The following NEK9 variants were observed in gnomAD, a reference collection of about 807,000 sequenced individuals.
NEK9 encodes the protein serine/threonine-protein kinase Nek9.
Under a neutral mutation model 123.4 loss-of-function variants are expected in NEK9, and 75 were observed. The ratio of observed to expected loss-of-function variants is 0.61; its 90% CI spans 0.50 to 0.74. NEK9 has a LOEUF of 0.74. Among genes scored for constraint, NEK9 ranks in the 30% least tolerant of loss-of-function variants. The probability of loss-of-function intolerance (pLI) is 0.00; values close to 1 mark genes in which losing one functional copy is unlikely to be tolerated. For missense variants in NEK9, 952 were observed against 1,214.4 expected (o/e 0.78, Z 3.21); for synonymous variants, 438 against 458.7 (o/e 0.95, Z 0.58).
In NEK9 at chr14:75,124,194, G is replaced by A. The variant is rs202104989; in HGVS notation, c.249C>T (p.Val83=). 2.7e-5 allele frequency: 44 copies of A among 1,613,922 alleles called. No homozygotes were observed. The Admixed American group carries it at 5.0e-4, about 18-fold the overall frequency. The change falls in exon 2 of 22, where the codon GTC becomes GTT. Residue 83 remains valine (V), a synonymous_variant. Transcript: ENST00000238616. The stretch of plus-strand genomic sequence containing the variant: ...CCTTCTCAGACAGCCGGGTCAAATC[G>A]ACTTCCTTCCACACAACCAGTGAGT... ...EDDSLVVWKE[V]DLTRLSEKER...
Position 75,103,832 on chromosome 14 carries a change from G to A in NEK9, c.1731+10C>T, listed in dbSNP as rs751994534. 2.5e-6 allele frequency: 4 copies of A among 1,604,198 alleles called. No homozygotes were observed. The South Asian group carries it at 4.5e-5, about 18-fold the overall frequency. ...GATGATGTGGTTAGAACACCAATCAGGACACTCACTTCATGGTTGATAATT... is the reference window on the plus strand; with the variant it reads ...GATGATGTGGTTAGAACACCAATCAAGACACTCACTTCATGGTTGATAATT... On this transcript the variant is annotated intron_variant, in intron 14 of 21. Coordinates refer to ENST00000238616, the MANE Select transcript of NEK9 (RefSeq NM_033116.6).
chr14:75,087,312 G>A (rs775090220), intron 20 of NEK9, 82 bp from the exon 21 acceptor site: 8 of 970,992 alleles, frequency 8.2e-6, no homozygotes, highest in Middle Eastern at 3.2e-4. Context: ...AAGTGCAATC[G>A]GATTTTACTT....
rs1413917926 is a variant in NEK9 at position 75,118,939 on chromosome 14, A to G, written c.525-4T>C. On this transcript the variant is annotated splice_region_variant and splice_polypyrimidine_tract_variant and intron_variant, in intron 4 of 21. Transcript: ENST00000238616. ...AATATTTAATGTCTTTATATCTCTG[A>G]AAAAAAAAGATGCTGCAAATTAAGT... 14 of 1,338,348 alleles carry G rather than the reference A, an allele frequency of 1.0e-5. No homozygotes were observed. The highest frequency in any genetic ancestry group is 2.9e-5 in the African/African-American group (2 of 68,956). The allele number at this position is 1,338,348 out of a possible 1,614,324, so 82.9% of individuals were successfully genotyped here. A position where few individuals can be genotyped will look rare whatever the true frequency, so the allele number is the denominator to read the frequency against.
chr14:75,120,018 A>C (rs904270562), intron 4 of NEK9, among the ~76,000 whole-genome samples: 2 of 152,246 alleles, frequency 1.3e-5, no homozygotes, highest in Non-Finnish European at 2.9e-5. Flanking sequence ...GGGCATAATG[A>C]TGTGAAAATG....
chr14:75,109,608 T>A, intron 10 of NEK9, 77 bp downstream of exon 10: 7 of 1,348,620 alleles, frequency 5.2e-6, no homozygotes, highest in Non-Finnish European at 7.3e-6. Flanking sequence ...GTTCAACTAA[T>A]AAAATGCTTA....
In NEK9 at chr14:75,103,976, T is replaced by A; in HGVS notation, c.1597A>T (p.Ile533Phe). ...PQKVDVPKAL[I>F]IVAVQCGCDG... ...CAGCCACATTGAACTGCAACAATAATCAAGGCCTTGGGAACATCCACCTGC... is the reference window on the plus strand; with the variant it reads ...CAGCCACATTGAACTGCAACAATAAACAAGGCCTTGGGAACATCCACCTGC... Residue 533 changes from isoleucine to phenylalanine, a missense_variant, in exon 14 of 22, where the codon ATT becomes TTT. Coordinates refer to ENST00000238616, the MANE Select transcript of NEK9 (RefSeq NM_033116.6). 6.2e-7 allele frequency: 1 copy of A among 1,613,416 alleles called. No individual in the cohort carries two copies. Among genetic ancestry groups the A allele is most frequent in the Non-Finnish European group, 8.5e-7 (1 of 1,179,824 alleles).
intron 4 of NEK9, 43 bp from the exon 5 acceptor site, chr14:75,118,978 T>A: frequency 9.1e-7 from 1 of 1,098,484 alleles, no homozygotes; most frequent in Non-Finnish European, 1.4e-6. Flanking sequence ...CACAGATAAT[T>A]GTTTTATTTC....
chr14:75,114,252 C>T lies in NEK9; in HGVS notation c.824G>A (p.Ser275Asn). The T allele has an allele frequency of 6.2e-7, 1 of 1,614,096 alleles. No individual in the cohort carries two copies. The highest frequency in any genetic ancestry group is 1.1e-5 in the South Asian group (1 of 91,076). Residue 275 changes from serine (S) to asparagine (N), a missense_variant, in exon 7 of 22, where the codon AGC becomes AAC. By Grantham distance (46) the Ser-to-Asn change is conservative. Around this residue, in one of 4 missense-constraint regions of NEK9, gnomAD observed 698 missense variants for 875.6 expected, o/e 0.80. Coordinates refer to ENST00000238616, the MANE Select transcript of NEK9 (RefSeq NM_033116.6). ...TTGGATCAATTCCAAAGAGTACTGG[C>T]TAGAGTCAACTTCCATGGCCCGAAT... is the stretch of plus-strand genomic sequence containing the variant. ...QGIRAMEVDSSQYSLELIQMV... is the reference protein window; with the variant it reads ...QGIRAMEVDSNQYSLELIQMV...
At position 75,090,178 on chromosome 14, in the gene NEK9, A is replaced by G. The variant is rs1488285347; in HGVS notation, c.2442+1092T>C. 4.1e-5 allele frequency among the ~76,000 whole-genome samples: 6 copies of G among 145,760 alleles called. No individual in the cohort carries two copies. In the East Asian group the frequency reaches 6.1e-4, roughly 15 times the overall value. ...ATTTTTATAGAGATGGGGTCTCCCT[A>G]TGTTGTCTAGGCTGGTCTCAAACTC... On this transcript the variant is annotated intron_variant, in intron 19 of 21. Transcript: ENST00000238616.
At chr14:75,115,687 T>C (rs1895118945) in intron 6 of NEK9, among the ~76,000 whole-genome samples, 1 of 152,190 alleles carries the variant, frequency 6.6e-6, no homozygotes, top group African/African-American at 2.4e-5. Context: ...GGCAACTGGA[T>C]ATGAATCCAC....
intron 19 of NEK9, 120 bp downstream of exon 19, chr14:75,091,150 G>A: frequency 4.2e-6 from 3 of 713,996 alleles, no homozygotes; most frequent in Non-Finnish European, 6.5e-6. Context: ...TCAGAAGGCT[G>A]GATTCAGGAT....
chr14:75,115,774 C>T (rs530624816), intron 6 of NEK9, among the ~76,000 whole-genome samples: 9 of 152,142 alleles, frequency 5.9e-5, no homozygotes, highest in Admixed American at 5.9e-4. Flanking sequence ...AGACTATCAA[C>T]CCCACCCCCC....
chr14:75,104,238 C>T (rs1278923349), intron 13 of NEK9, among the ~76,000 whole-genome samples: 1 of 151,362 alleles, frequency 6.6e-6, no homozygotes, highest in Non-Finnish European at 1.5e-5. Context: ...GATCTTAGCT[C>T]ACCGCAATCT....
chr14:75,095,979 C>G (rs940391059), intron 17 of NEK9, among the ~76,000 whole-genome samples: 3 of 152,058 alleles, frequency 2.0e-5, no homozygotes, highest in African/African-American at 7.2e-5. Flanking sequence ...GGGTCTGGAC[C>G]GTGGTATTCT....
At chr14:75,092,757 T>A (rs1245827709) in intron 18 of NEK9, among the ~76,000 whole-genome samples, 2 of 152,090 alleles carry the variant, frequency 1.3e-5, no homozygotes, top group Non-Finnish European at 2.9e-5. Flanking sequence ...TTAAGAAGAT[T>A]AATCTGTCAA....
Position 75,091,447 on chromosome 14 carries a change from G to C in NEK9, c.2265C>G (p.Gly755=). The part of the protein sequence containing the change: ...VFQSSSPGGG[G]GGGGGEEEDS... ...CCTCTTCTTCACCACCGCCGCCCCC[G>C]CCGCCTCCTCCCGGGCTAGAGCTCT... Residue 755 remains glycine, a synonymous_variant, in exon 19 of 22, where the codon GGC becomes GGG. Coordinates refer to ENST00000238616, the MANE Select transcript of NEK9 (RefSeq NM_033116.6). 1 of 1,603,096 alleles carries C rather than the reference G, an allele frequency of 6.2e-7. No homozygotes were observed.
chr14:75,104,278 G>T (rs1046153092), intron 13 of NEK9, among the ~76,000 whole-genome samples: 4 of 151,174 alleles, frequency 2.6e-5, no homozygotes, highest in Non-Finnish European at 4.4e-5. Flanking sequence ...GACTTCTCCT[G>T]TCTCAGCCTC....
In NEK9 at chr14:75,091,347, C is replaced by G. The variant is rs1311339824; in HGVS notation, c.2365G>C (p.Glu789Gln). 1 of 1,614,144 alleles carries G rather than the reference C, an allele frequency of 6.2e-7. No individual in the cohort carries two copies. The highest frequency in any genetic ancestry group is 1.3e-5 in the African/African-American group (1 of 75,064). Residue 789 changes from glutamate (E) to glutamine (Q), a missense_variant, in exon 19 of 22, where the codon GAA becomes CAA. Transcript: ENST00000238616. ...GCCTCTGTGGGACTGATTAAACCTT[C>G]CATTCCTCGGTCTGCTTCCATTGTT... ...RGTMEADRGM[E>Q]GLISPTEAMG...
At chr14:75,095,770 G>C (rs1056106086) in intron 17 of NEK9, among the ~76,000 whole-genome samples, 2 of 152,082 alleles carry the variant, frequency 1.3e-5, no homozygotes, top group Admixed American at 6.5e-5. Flanking sequence ...CTGGCCTGTA[G>C]TCCCAGCTAC....
Sources: allele counts gnomAD v4.1 joint callset (sites outside exome capture counted in the v4.1 genomes callset), GRCh38; gene constraint gnomAD v4.1.1; regional missense constraint gnomAD v4.1.1; transcripts MANE v1.5; gene names NCBI Gene and HGNC (gene_info 2026-07-23, HGNC 2026-07-21).